The following RXFP1 variants were observed in gnomAD, a reference collection of about 807,000 sequenced individuals.
RXFP1 encodes the protein relaxin receptor 1.
In RXFP1, 73 loss-of-function variants were observed where a neutral mutation model predicts 89.8. The observed-to-expected ratio is 0.81, with a 90% CI of 0.67 to 0.99. RXFP1 has a LOEUF of 0.99. RXFP1 is among the 50% of genes least tolerant of loss of function. The pLI, the probability that RXFP1 is intolerant of heterozygous loss-of-function variation, is 0.00. For missense variants in RXFP1, 793 were observed against 895.5 expected, an observed-to-expected ratio of 0.89 and a Z score of 1.46; for synonymous variants, 277 against 305.5, an observed-to-expected ratio of 0.91 and a Z score of 0.97.
intron 14 of RXFP1, among the ~76,000 whole-genome samples, chr4:158,644,138 C>G (rs1185429720): frequency 6.7e-6 from 1 of 150,332 alleles, no homozygotes; most frequent in Non-Finnish European, 1.5e-5. Flanking sequence ...GCTCCGCCTC[C>G]CAGGTTCACG....
chr4:158,532,062 C>T (rs541685294), intron 1 of RXFP1, among the ~76,000 whole-genome samples: 1 of 152,180 alleles, frequency 6.6e-6, no homozygotes, highest in East Asian at 1.9e-4. Flanking sequence ...GCCTGATAGG[C>T]AGTTTTTCAG....
In RXFP1 at chr4:158,611,293, G is replaced by C. The variant is rs554880462; in HGVS notation, c.537-837G>C. 7.9e-5 allele frequency among the ~76,000 whole-genome samples: 12 copies of C among 152,296 alleles called. No homozygotes were observed. In the South Asian group the frequency reaches 2.5e-3, roughly 32 times the overall value. ...TAGTGCAGTGAATTGCTACACTAGA[G>C]AGATTGAGACATGAGTGAACATGGC... On this transcript the variant is annotated intron_variant, in intron 6 of 17. Transcript: ENST00000307765.
Position 158,596,265 on chromosome 4 carries a change from A to ATT in RXFP1, c.286+2780_286+2781dup, listed in dbSNP as rs35626162. ...TATATTGTTTTCTTTTTATTTCTTA[A>ATT]TTTTTTTTTTTTTTTGAGATGGAAT... is the stretch of plus-strand genomic sequence containing the variant. On this transcript the variant is annotated intron_variant, in intron 3 of 17. Coordinates refer to ENST00000307765, the MANE Select transcript of RXFP1 (RefSeq NM_021634.4). 3.6e-3 allele frequency among the ~76,000 whole-genome samples: 506 copies of ATT among 140,038 alleles called. 1 individual carries two copies. The highest frequency in any genetic ancestry group is 8.7e-3 in the East Asian group (42 of 4,816). 91.9% of individuals were successfully genotyped at this position (140,038 alleles called of 152,430 possible).
chr4:158,607,097 T>C, intron 5 of RXFP1: 1 of 1,536,050 alleles, frequency 6.5e-7, no homozygotes, highest in Non-Finnish European at 8.7e-7. Flanking sequence ...GAAGGCAGCC[T>C]TGAAATCCTT....
chr4:158,615,504 C>T (rs1242791916), intron 8 of RXFP1, among the ~76,000 whole-genome samples: 1 of 151,856 alleles, frequency 6.6e-6, no homozygotes, highest in East Asian at 1.9e-4. Context: ...CCATTGCACT[C>T]CAGCCTGGGC....
At chr4:158,629,815 C>A (rs1200689389) in intron 11 of RXFP1, among the ~76,000 whole-genome samples, 1 of 151,796 alleles carries the variant, frequency 6.6e-6, no homozygotes, top group Non-Finnish European at 1.5e-5. Flanking sequence ...TTTGTAGAGA[C>A]AGGGTCTCTG....
intron 1 of RXFP1, among the ~76,000 whole-genome samples, chr4:158,523,662 T>C (rs534046418): frequency 3.0e-4 from 46 of 152,296 alleles, no homozygotes; most frequent in African/African-American, 8.7e-4. Context: ...CAGCAAAGTT[T>C]GGCAAGGCAA....
At chr4:158,557,749 G>A (rs910484565) in intron 1 of RXFP1, among the ~76,000 whole-genome samples, 1 of 152,174 alleles carries the variant, frequency 6.6e-6, no homozygotes, top group African/African-American at 2.4e-5. Flanking sequence ...CACTAAAAGC[G>A]AGATGCATTT....
chr4:158,594,818 G>A (rs1263251939), intron 3 of RXFP1, among the ~76,000 whole-genome samples: 1 of 151,998 alleles, frequency 6.6e-6, no homozygotes, highest in African/African-American at 2.4e-5. Flanking sequence ...TCTTTGCTGG[G>A]TTTTTAATTC....
chr4:158,560,235 G>C (rs1244203854), intron 1 of RXFP1, among the ~76,000 whole-genome samples: 1 of 152,096 alleles, frequency 6.6e-6, no homozygotes, highest in Non-Finnish European at 1.5e-5. Flanking sequence ...ATTTCTCTTG[G>C]GGCTTCCAGT....
Position 158,580,165 on chromosome 4 carries a change from C to G in RXFP1, c.187+7330C>G, listed in dbSNP as rs185058633. ...CTGGTTTGAATAATTTTGGAGGGCT[C>G]TAAACATTAGCAGTGGTCCTTACTT... On this transcript the variant is annotated intron_variant, in intron 2 of 17. Coordinates refer to ENST00000307765, the MANE Select transcript of RXFP1 (RefSeq NM_021634.4). Among the ~76,000 whole-genome samples the G allele has an allele frequency of 2.0e-3, 306 of 152,216 alleles. 1 individual carries two copies. Among genetic ancestry groups the G allele is most frequent in the African/African-American group, 6.9e-3 (288 of 41,528 alleles).
intron 1 of RXFP1, among the ~76,000 whole-genome samples, chr4:158,553,894 G>A (rs1385562438): frequency 3.9e-5 from 6 of 152,126 alleles, no homozygotes; most frequent in African/African-American, 1.4e-4. Context: ...TTCTAAGCCC[G>A]AAAAATGGCA....
chr4:158,622,739 G>A (rs1765859895), intron 9 of RXFP1, among the ~76,000 whole-genome samples: 1 of 152,046 alleles, frequency 6.6e-6, no homozygotes, highest in Non-Finnish European at 1.5e-5. Flanking sequence ...TAGGTTCAAG[G>A]GTACAAAATT....
At chr4:158,595,841 T>C (rs1329381928) in intron 3 of RXFP1, among the ~76,000 whole-genome samples, 1 of 152,038 alleles carries the variant, frequency 6.6e-6, no homozygotes, top group Non-Finnish European at 1.5e-5. Flanking sequence ...ACCAAATAAT[T>C]TGTCCATTAA....
At chr4:158,617,869 TG>T (rs1157260107) in intron 9 of RXFP1, among the ~76,000 whole-genome samples, 2 of 152,178 alleles carry the variant, frequency 1.3e-5, no homozygotes, top group Non-Finnish European at 2.9e-5. Context: ...AGAAGTTGGT[TG>T]TTTGATTTCT....
At chr4:158,629,407 A>G (rs1197858667) in intron 11 of RXFP1, among the ~76,000 whole-genome samples, 2 of 152,190 alleles carry the variant, frequency 1.3e-5, no homozygotes, top group African/African-American at 4.8e-5. Context: ...ATTCCTACCT[A>G]TAATAATGGA....
At chr4:158,620,836 T>G (rs1765484072) in intron 9 of RXFP1, among the ~76,000 whole-genome samples, 1 of 152,186 alleles carries the variant, frequency 6.6e-6, no homozygotes, top group South Asian at 2.1e-4. Context: ...CTGATGAATC[T>G]TTGGCCGGGC....
rs544174226 is a variant in RXFP1, at chr4:158,651,823, A to G, written c.2042A>G (p.Tyr681Cys). The G allele has an allele frequency of 3.7e-6, 6 of 1,614,128 alleles. No individual in the cohort carries two copies. The highest frequency in any genetic ancestry group is 1.1e-5 in the South Asian group (1 of 91,076). Residue 681 changes from tyrosine to cysteine, a missense_variant, in exon 18 of 18, where the codon TAT (tyrosine) becomes TGT (cysteine). By Grantham distance (194) the Tyr-to-Cys change is radical. Coordinates refer to ENST00000307765, the MANE Select transcript of RXFP1 (RefSeq NM_021634.4). Reference sequence around the variant, plus strand: ...AACAGTGCTTTGAACCCAATTCTCTATACTCTGACCACAAGACCATTTAAA... The same window carrying G: ...AACAGTGCTTTGAACCCAATTCTCTGTACTCTGACCACAAGACCATTTAAA... The part of the protein sequence containing the change: ...PINSALNPIL[Y>C]TLTTRPFKEM...
intron 1 of RXFP1, among the ~76,000 whole-genome samples, chr4:158,533,525 A>G (rs1042734042): frequency 6.6e-6 from 1 of 152,238 alleles, no homozygotes; most frequent in African/African-American, 2.4e-5. Flanking sequence ...CCAACACTGT[A>G]TAATAGACAC....
Sources: allele counts gnomAD v4.1 joint callset (sites outside exome capture counted in the v4.1 genomes callset), GRCh38; gene constraint gnomAD v4.1.1; transcripts MANE v1.5; gene names NCBI Gene and HGNC (gene_info 2026-07-23, HGNC 2026-07-21).